Variants in CHMP5 observed in about 807,000 individuals in gnomAD.
CHMP5 encodes the protein charged multivesicular body protein 5, also known as SNF7 domain containing 2.
A neutral mutation model predicts 33.0 loss-of-function variants in CHMP5; 17 were observed. The observed-to-expected ratio is 0.52, with a 90% confidence interval of 0.35 to 0.77. The LOEUF is 0.77. CHMP5 is among the 30% of genes least tolerant of loss of function. CHMP5 has a pLI of 0.01. For missense variants in CHMP5, 216 were observed against 261.5 expected (o/e 0.83, Z 1.20); for synonymous variants, 76 against 90.2 (o/e 0.84, Z 0.89).
chr9:33,266,125 C>T lies in CHMP5; in HGVS notation c.174+11C>T, dbSNP rs142982468. On this transcript the variant is annotated intron_variant, in intron 2 of 7. Transcript: ENST00000223500. ...GAGGGTCCTGCAAAGGTAAGGTGGG[C>T]AGCAACTGCTGCACAAGGTGCTGGC... is the stretch of plus-strand genomic sequence containing the variant. The T allele has an allele frequency of 3.7e-4, 576 of 1,571,206 alleles. 1 individual carries two copies. The highest frequency in any genetic ancestry group is 4.9e-4 in the Non-Finnish European group (559 of 1,141,878).
chr9:33,265,873 C>A (rs1437684821), intron 1 of CHMP5, 137 bp from the exon 2 acceptor site: 2 of 542,348 alleles, frequency 3.7e-6, no homozygotes, highest in Non-Finnish European at 6.7e-6. Flanking sequence ...TGGGAATACC[C>A]TTCTTTGTGA....
At position 33,270,608 on chromosome 9, in the gene CHMP5, A is replaced by T; in HGVS notation, c.222-15A>T. The T allele has an allele frequency of 6.2e-7, 1 of 1,605,796 alleles. No homozygotes were observed. The highest frequency in any genetic ancestry group is 8.5e-7 in the Non-Finnish European group (1 of 1,172,886). ...CTGGTTCATATATTTGCCATTCTCA[A>T]TTGACTCTAAAAAGGTATGAGCAGC... On this transcript the variant is annotated splice_polypyrimidine_tract_variant and intron_variant, in intron 3 of 7. Transcript: ENST00000223500.
chr9:33,265,646 A>G (rs796113890), intron 1 of CHMP5, among the ~76,000 whole-genome samples: 32 of 152,348 alleles, frequency 2.1e-4, no homozygotes, highest in African/African-American at 7.5e-4. Context: ...CATTAGATCT[A>G]CAATCAGCTG....
intron 3 of CHMP5, among the ~76,000 whole-genome samples, chr9:33,268,512 T>C (rs1820755443): frequency 6.6e-6 from 1 of 152,226 alleles, no homozygotes; most frequent in Non-Finnish European, 1.5e-5. Context: ...TATAATTAGC[T>C]ATCGAGGAGC....
At chr9:33,275,691 A>G (rs910537025) in intron 5 of CHMP5, among the ~76,000 whole-genome samples, 1 of 152,142 alleles carries the variant, frequency 6.6e-6, no homozygotes, top group African/African-American at 2.4e-5. Flanking sequence ...CTCACATAGG[A>G]CTTTGGGCTT....
chr9:33,276,313 G>A, intron 5 of CHMP5, 143 bp from the exon 6 acceptor site: 3 of 562,814 alleles, frequency 5.3e-6, no homozygotes, highest in Non-Finnish European at 9.4e-6. Flanking sequence ...CAGTTGTTGA[G>A]AACTGTTTAT....
rs148446837 is a variant in CHMP5 at position 33,267,457 on chromosome 9, C to T, written c.175-396C>T. ...CTAGAGAGGTGAGAGATTGGTGGGC[C>T]ATTGTTACTTATTTCAAAGGTGAGA... is the stretch of plus-strand genomic sequence containing the variant. On this transcript the variant is annotated intron_variant, in intron 2 of 7. Transcript: ENST00000223500. 2.0e-3 allele frequency among the ~76,000 whole-genome samples: 301 copies of T among 152,188 alleles called. 2 individuals carry two copies. The highest frequency in any genetic ancestry group is 7.0e-3 in the African/African-American group (289 of 41,504).
At chr9:33,275,732 G>A (rs1354440866) in intron 5 of CHMP5, among the ~76,000 whole-genome samples, 18 of 152,108 alleles carry the variant, frequency 1.2e-4, no homozygotes, top group Admixed American at 1.0e-3. Flanking sequence ...AAATCCAGCC[G>A]GGCACAGTAG....
chr9:33,279,864 C>G (rs145693738), intron 7 of CHMP5, among the ~76,000 whole-genome samples: 7,945 of 108,694 alleles, frequency 0.073, 766 homozygotes, highest in African/African-American at 0.23. Context: ...AAAACTCAAT[C>G]TCAAAAAAAA....
Position 33,265,242 on chromosome 9 carries a change from T to G in CHMP5, c.69+95T>G. On this transcript the variant is annotated intron_variant, in intron 1 of 7. Coordinates refer to ENST00000223500, the MANE Select transcript of CHMP5 (RefSeq NM_016410.6). Reference sequence around the variant, plus strand: ...CGGGCCCATATTCTTCCACTTCATTTCGGGTCCTGGGCCCCTTACACGTCG... The same window carrying G: ...CGGGCCCATATTCTTCCACTTCATTGCGGGTCCTGGGCCCCTTACACGTCG... The G allele has an allele frequency of 5.6e-6, 7 of 1,252,382 alleles. 1 individual carries two copies. The South Asian group carries it at 8.4e-5, about 15-fold the overall frequency. 77.6% of individuals were successfully genotyped at this position (1,252,382 alleles called of 1,614,324 possible). A position where few individuals can be genotyped will look rare whatever the true frequency, so the allele number is the denominator to read the frequency against.
Position 33,270,619 on chromosome 9 carries a change from A to G in CHMP5, c.222-4A>G. Reference sequence around the variant, plus strand: ...ATTTGCCATTCTCAATTGACTCTAAAAAGGTATGAGCAGCAGCGGGACAAT... The same window carrying G: ...ATTTGCCATTCTCAATTGACTCTAAGAAGGTATGAGCAGCAGCGGGACAAT... On this transcript the variant is annotated splice_region_variant and splice_polypyrimidine_tract_variant and intron_variant, in intron 3 of 7. Coordinates refer to ENST00000223500, the MANE Select transcript of CHMP5 (RefSeq NM_016410.6). 6.2e-7 allele frequency: 1 copy of G among 1,612,886 alleles called. No homozygotes were observed. The highest frequency in any genetic ancestry group is 1.1e-5 in the South Asian group (1 of 90,990).
intron 5 of CHMP5, among the ~76,000 whole-genome samples, chr9:33,273,764 A>T: frequency 6.6e-6 from 1 of 151,342 alleles, no homozygotes; most frequent in South Asian, 2.1e-4. Flanking sequence ...ACAATAGAGA[A>T]CCAGTTAATG....
At chr9:33,274,519 T>C (rs957004248) in intron 5 of CHMP5, among the ~76,000 whole-genome samples, 1 of 152,232 alleles carries the variant, frequency 6.6e-6, no homozygotes, top group Non-Finnish European at 1.5e-5. Context: ...CGCACATAAT[T>C]AACACAGTAA....
At chr9:33,265,269 C>T in intron 1 of CHMP5, 122 bp downstream of exon 1, 1 of 866,990 alleles carries the variant, frequency 1.2e-6, no homozygotes, top group South Asian at 1.4e-5. Flanking sequence ...TACACGTCGT[C>T]CCTCTCTATC....
chr9:33,266,287 A>G (rs529814499), intron 2 of CHMP5, among the ~76,000 whole-genome samples, 173 bp downstream of exon 2: 2 of 152,342 alleles, frequency 1.3e-5, no homozygotes, highest in African/African-American at 4.8e-5. Flanking sequence ...CCTGGCCAAC[A>G]TAGCGAAACC....
chr9:33,277,396 T>TGG (rs1187954347), intron 6 of CHMP5, among the ~76,000 whole-genome samples: 2 of 152,002 alleles, frequency 1.3e-5, no homozygotes, highest in Non-Finnish European at 2.9e-5. Context: ...GGAAGAAGTA[T>TGG]GGGGTAGCAT....
chr9:33,277,508 C>T (rs962637272), intron 6 of CHMP5, among the ~76,000 whole-genome samples: 7 of 152,048 alleles, frequency 4.6e-5, no homozygotes, highest in African/African-American at 1.4e-4. Context: ...GAAGGGTTGT[C>T]GAATGGCCTC....
chr9:33,267,909 A>C lies in CHMP5; in HGVS notation c.221+10A>C, dbSNP rs1419107515. On this transcript the variant is annotated intron_variant, in intron 3 of 7. Coordinates refer to ENST00000223500, the MANE Select transcript of CHMP5 (RefSeq NM_016410.6). ...TAAAGCAAAAGAGGATGTAAGTTAC[A>C]CACACAATTTCTACCTCTAGCAGGT... 1.3e-6 allele frequency: 2 copies of C among 1,596,114 alleles called. No homozygotes were observed. Among genetic ancestry groups the C allele is most frequent in the African/African-American group, 1.3e-5 (1 of 74,546 alleles).
At position 33,265,127 on chromosome 9, in the gene CHMP5, C is replaced by T. The variant is rs754318300; in HGVS notation, c.49C>T (p.Leu17=). 24 of 1,614,204 alleles carry T rather than the reference C, an allele frequency of 1.5e-5. No homozygotes were observed. Among genetic ancestry groups the T allele is most frequent in the Non-Finnish European group, 1.9e-5 (23 of 1,180,036 alleles). Residue 17 remains leucine (L), a synonymous_variant, in exon 1 of 8, where the codon CTG becomes TTG. Coordinates refer to ENST00000223500, the MANE Select transcript of CHMP5 (RefSeq NM_016410.6). ...GAAACCCAAGGCTCCGCCGCCCAGCCTGACTGACTGCATTGGCACGGTGGG... is the reference window on the plus strand; with the variant it reads ...GAAACCCAAGGCTCCGCCGCCCAGCTTGACTGACTGCATTGGCACGGTGGG... The part of the protein sequence containing the change: ...KAKPKAPPPS[L]TDCIGTVDSR...
Sources: allele counts gnomAD v4.1 joint callset (sites outside exome capture counted in the v4.1 genomes callset), GRCh38; gene constraint gnomAD v4.1.1; transcripts MANE v1.5; gene names NCBI Gene and HGNC (gene_info 2026-07-23, HGNC 2026-07-21).